The following ZNF544 variants were observed in gnomAD, a reference collection of about 807,000 sequenced individuals.
ZNF544 encodes zinc finger protein AF020591.
Under a neutral mutation model 13.5 loss-of-function variants are expected in ZNF544, and 10 were observed. The ratio of observed to expected loss-of-function variants is 0.74; its 90% CI spans 0.46 to 1.25. ZNF544 has a LOEUF of 1.25. ZNF544 is among the 50% of genes most tolerant of loss of function. The pLI, the probability that ZNF544 is intolerant of heterozygous loss-of-function variation, is 0.00. For missense variants in ZNF544, 896 were observed against 845.6 expected, an observed-to-expected ratio of 1.06 and a Z score of -0.74; for synonymous variants, 323 against 300.5, an observed-to-expected ratio of 1.07 and a Z score of -0.77.
intron 3 of ZNF544, among the ~76,000 whole-genome samples, chr19:58,242,692 C>CTTTGT (rs556635917): frequency 2.2e-4 from 34 of 151,712 alleles, no homozygotes; most frequent in East Asian, 5.8e-4. Flanking sequence ...TTTGTGTTTT[C>CTTTGT]TTTGTTTTGT....
At position 58,232,816 on chromosome 19, in the gene ZNF544, G is replaced by A. The variant is rs528240933; in HGVS notation, c.-60+2354G>A. On this transcript the variant is annotated intron_variant, in intron 3 of 6. Coordinates refer to ENST00000687789, the MANE Select transcript of ZNF544 (RefSeq NM_014480.4). ...CAAAAAATTAGCTGGGCGTGATGGC[G>A]GGAGCCTGTAGTCCCAGCTACTCTG... Among the ~76,000 whole-genome samples the A allele has an allele frequency of 3.3e-5, 5 of 150,802 alleles. No individual in the cohort carries two copies. In the South Asian group the frequency reaches 6.3e-4, roughly 19 times the overall value.
chr19:58,238,841 A>G (rs1416244181), intron 3 of ZNF544, among the ~76,000 whole-genome samples: 4 of 151,506 alleles, frequency 2.6e-5, no homozygotes, highest in Admixed American at 1.3e-4. Flanking sequence ...GGATATGGCC[A>G]TCATTCAACC....
intron 5 of ZNF544, 90 bp from the exon 6 acceptor site, chr19:58,246,621 C>G (rs116775807): frequency 6.6e-7 from 1 of 1,510,332 alleles, no homozygotes; most frequent in African/African-American, 1.4e-5. Context: ...GGAGTTTCCT[C>G]GGGACAGCAC....
downstream of ZNF544, among the ~76,000 whole-genome samples, chr19:58,268,798 A>C (rs896192647): frequency 1.3e-5 from 2 of 152,248 alleles, no homozygotes; most frequent in African/African-American, 4.8e-5. Flanking sequence ...TGTCCAGCAC[A>C]AATAACTTGG....
intron 5 of ZNF544, among the ~76,000 whole-genome samples, chr19:58,269,294 G>A (rs2050313768): frequency 6.6e-6 from 1 of 152,124 alleles, no homozygotes; most frequent in South Asian, 2.1e-4. Flanking sequence ...AATTAGCCAG[G>A]CATGGTGGCA....
downstream of ZNF544, among the ~76,000 whole-genome samples, chr19:58,268,183 C>T (rs925969887): frequency 1.3e-5 from 2 of 152,052 alleles, no homozygotes; most frequent in Non-Finnish European, 2.9e-5. Context: ...CCTGTAATCC[C>T]AGCTACTCAG....
downstream of ZNF544, among the ~76,000 whole-genome samples, chr19:58,265,121 T>C (rs78001904): frequency 0.012 from 1,810 of 152,240 alleles, 48 homozygotes; most frequent in African/African-American, 0.041. Flanking sequence ...CATGTTAATA[T>C]GGAAAATACT....
intron 6 of ZNF544, chr19:58,259,456 A>T (rs1327308718): frequency 6.6e-6 from 1 of 152,222 alleles, no homozygotes; most frequent in Non-Finnish European, 1.5e-5. Context: ...TGTTGGCTTA[A>T]AACAATGCAA....
In ZNF544 at chr19:58,263,584, C is replaced by A. The variant is rs2049432534; in HGVS notation, c.*830C>A. The A allele has an allele frequency of 1.0e-6, 1 of 984,952 alleles. No homozygotes were observed. The highest frequency in any genetic ancestry group is 1.7e-5 in the African/African-American group (1 of 57,236). 61.0% of individuals were successfully genotyped at this position (984,952 alleles called of 1,614,324 possible). A position where few individuals can be genotyped will look rare whatever the true frequency, so the allele number is the denominator to read the frequency against. ...GCATCAGAATTGCCTGGAGTGTGCA[C>A]TGAAACTGTGTATTACCAAGCTCAC... is the stretch of plus-strand genomic sequence containing the variant. On this transcript the variant is annotated 3_prime_UTR_variant, in exon 7 of 7. Coordinates refer to ENST00000687789, the MANE Select transcript of ZNF544 (RefSeq NM_014480.4).
In ZNF544 at chr19:58,262,040, G is replaced by A; in HGVS notation, c.1434G>A (p.Glu478=). ...GAAAGTCCTTCAGCCAAAGCTATGA[G>A]TTAGTTACACATAAAAGAACGCACA... The part of the protein sequence containing the change: ...HCGKSFSQSY[E]LVTHKRTHTG... The change falls in exon 7 of 7, where the codon GAG becomes GAA. Residue 478 remains glutamate, a synonymous_variant. Coordinates refer to ENST00000687789, the MANE Select transcript of ZNF544 (RefSeq NM_014480.4). 1 of 1,610,530 alleles carries A rather than the reference G, an allele frequency of 6.2e-7. No homozygotes were observed. Among genetic ancestry groups the A allele is most frequent in the South Asian group, 1.1e-5 (1 of 90,920 alleles).
chr19:58,277,206 A>T, exon 7 of ZNF544: 1 of 1,230,422 alleles, frequency 8.1e-7, no homozygotes, highest in Non-Finnish European at 1.0e-6. Context: ...CAAAAAGCAG[A>T]GACGGTACAG....
intron 3 of ZNF544, among the ~76,000 whole-genome samples, chr19:58,238,632 C>T (rs1047587361): frequency 3.9e-5 from 6 of 152,096 alleles, no homozygotes; most frequent in Non-Finnish European, 8.8e-5. Context: ...GTCTGCTGTG[C>T]GCTCAGTACA....
chr19:58,232,640 C>T (rs117872955), intron 3 of ZNF544, among the ~76,000 whole-genome samples: 1 of 151,774 alleles, frequency 6.6e-6, no homozygotes, highest in Non-Finnish European at 1.5e-5. Flanking sequence ...CTAATAAAGA[C>T]ATATCCGGGC....
At chr19:58,273,582 T>C (rs1292875270) in intron 5 of ZNF544, among the ~76,000 whole-genome samples, 1 of 149,634 alleles carries the variant, frequency 6.7e-6, no homozygotes, top group Non-Finnish European at 1.5e-5. Context: ...CCCAGCTATT[T>C]GGGAGGATGA....
At chr19:58,233,145 G>A (rs576901769) in intron 3 of ZNF544, among the ~76,000 whole-genome samples, 1 of 152,126 alleles carries the variant, frequency 6.6e-6, no homozygotes, top group Non-Finnish European at 1.5e-5. Context: ...AAAAGCGTCA[G>A]ATCTCGTGAA....
In ZNF544 at chr19:58,262,496, GC is replaced by G. The variant is rs1443266894; in HGVS notation, c.1892del (p.Pro631ArgfsTer18). The part of the protein sequence containing the change: ...RHLQIHTGEK[P>X]YKCNQCNKAF... ...ATCTGCAAATTCACACTGGGGAGAA[GC>G]CGTACAAATGCAATCAGTGCAATAA... On this transcript the variant is annotated frameshift_variant, in exon 7 of 7. Transcript: ENST00000687789. LOFTEE classifies it low-confidence loss of function (END_TRUNC). 1.1e-5 allele frequency: 18 copies of G among 1,614,058 alleles called. No individual in the cohort carries two copies. In the East Asian group the frequency reaches 3.8e-4, roughly 34 times the overall value.
At chr19:58,260,744 G>A in intron 6 of ZNF544, 107 bp from the exon 7 acceptor site, 4 of 1,086,762 alleles carry the variant, frequency 3.7e-6, no homozygotes, top group Non-Finnish European at 5.1e-6. Flanking sequence ...TTGTAGTTTG[G>A]AAACAAACCA....
At chr19:58,251,475 C>T in intron 6 of ZNF544, 1 of 460,878 alleles carries the variant, frequency 2.2e-6, no homozygotes, top group Admixed American at 2.3e-5. Flanking sequence ...ATGGTCCCTT[C>T]CACTTTGATT....
rs1264731888 is a variant in ZNF544, at chr19:58,262,090, CTCAG to C, written c.1486_1489del (p.Gln496ValfsTer95). 1 of 1,609,072 alleles carries C rather than the reference CTCAG, an allele frequency of 6.2e-7. No individual in the cohort carries two copies. The highest frequency in any genetic ancestry group is 1.4e-5 in the African/African-American group (1 of 73,178). On this transcript the variant is annotated frameshift_variant, in exon 7 of 7. Transcript: ENST00000687789. LOFTEE classifies it low-confidence loss of function (END_TRUNC). ...ACTGGAGAAAAACCCTTCAAATGTA[CTCAG>C]TGTGGGAAATCTTTCAGCCAGAAGT... is the stretch of plus-strand genomic sequence containing the variant.
Sources: gnomAD v4.1 joint callset for allele counts (sites outside exome capture counted in the v4.1 genomes callset) on GRCh38, gnomAD v4.1.1 for gene constraint, MANE v1.5 for transcripts, NCBI Gene and HGNC (gene_info 2026-07-23, HGNC 2026-07-21) for gene names.